Variants in TAS2R7 observed in about 807,000 individuals in gnomAD.
TAS2R7 encodes the protein taste receptor type 2 member 7.
For missense variants in TAS2R7, 403 were observed against 366.0 expected (o/e 1.10, Z -0.82); for synonymous variants, 159 against 138.8 (o/e 1.15, Z -1.02).
chr12:10,801,749 A>T lies in TAS2R7; in HGVS notation c.822T>A (p.Ala274=), dbSNP rs558100889. ...ELAVIFGESI[A]LIYPSSHSFI... is the part of the protein sequence containing the mutation. ...ATGAATGACTTGAGGGGTAGATTAG[A>T]GCTATGGACTCACCAAAAATCACAG... Residue 274 remains alanine (A), a synonymous_variant, in exon 1 of 1, where the codon GCT becomes GCA. Transcript: ENST00000240687. 35 of 1,614,014 alleles carry T rather than the reference A, an allele frequency of 2.2e-5. No homozygotes were observed. In the South Asian group the frequency reaches 3.6e-4, roughly 17 times the overall value.
In TAS2R7 at chr12:10,801,834, G is replaced by A; in HGVS notation, c.737C>T (p.Ala246Val). ...AVISFLLLFI[A>V]YYLSFLIATS... Reference sequence around the variant, plus strand: ...GGCAATGAGAAAGGACAAATAGTAGGCAATAAAGAGGAGAAGGAAGGAAAT... The same window carrying A: ...GGCAATGAGAAAGGACAAATAGTAGACAATAAAGAGGAGAAGGAAGGAAAT... Residue 246 changes from alanine (A) to valine (V), a missense_variant, in exon 1 of 1, where the codon GCC (alanine) becomes GTC (valine). Ala to Val is a moderately conservative substitution (Grantham distance 64, BLOSUM62 0). Coordinates refer to ENST00000240687, the MANE Select transcript of TAS2R7 (RefSeq NM_023919.2). The A allele has an allele frequency of 1.2e-6, 2 of 1,613,978 alleles. No homozygotes were observed. Among genetic ancestry groups the A allele is most frequent in the South Asian group, 2.2e-5 (2 of 91,072 alleles).
Position 10,801,968 on chromosome 12 carries a change from A to G in TAS2R7, c.603T>C (p.Phe201=). The change falls in exon 1 of 1, where the codon TTT becomes TTC. Residue 201 remains phenylalanine, a synonymous_variant. Coordinates refer to ENST00000240687, the MANE Select transcript of TAS2R7 (RefSeq NM_023919.2). ...LLPFCVCLMS[F]FLLILSLRRH... is the part of the protein sequence containing the mutation. ...TCCGCAGGGAGAGGATCAAGAGGAAAAAGGACATTAGGCACACACAAAAGG... is the reference window on the plus strand; with the variant it reads ...TCCGCAGGGAGAGGATCAAGAGGAAGAAGGACATTAGGCACACACAAAAGG... 1 of 1,613,960 alleles carries G rather than the reference A, an allele frequency of 6.2e-7. No homozygotes were observed. Among genetic ancestry groups the G allele is most frequent in the Non-Finnish European group, 8.5e-7 (1 of 1,179,982 alleles).
At position 10,801,923 on chromosome 12, in the gene TAS2R7, C is replaced by T. The variant is rs758254868; in HGVS notation, c.648G>A (p.Gln216=). The T allele has an allele frequency of 6.2e-7, 1 of 1,613,934 alleles. No homozygotes were observed. The highest frequency in any genetic ancestry group is 8.5e-7 in the Non-Finnish European group (1 of 1,179,976). ...GGTCTCTGCACCCTGTGGCACTGAG[C>T]TGCATTCGCCTGATATGTCTCCGCA... is the stretch of plus-strand genomic sequence containing the variant. ...LSLRRHIRRM[Q]LSATGCRDPS... is the part of the protein sequence containing the mutation. Residue 216 remains glutamine (Q), a synonymous_variant, in exon 1 of 1, where the codon CAG becomes CAA. Transcript: ENST00000240687.
chr12:10,801,591 T>C lies in TAS2R7; in HGVS notation c.*23A>G, dbSNP rs1176024835. 1.4e-6 allele frequency: 2 copies of C among 1,402,974 alleles called. No individual in the cohort carries two copies. Among genetic ancestry groups the C allele is most frequent in the Non-Finnish European group, 2.0e-6 (2 of 1,012,946 alleles). 86.9% of individuals were successfully genotyped at this position (1,402,974 alleles called of 1,614,324 possible). On this transcript the variant is annotated 3_prime_UTR_variant, in exon 1 of 1. Transcript: ENST00000240687. ...TTTAGAAACATCTTATCTTTGTTTGTCCTAGAAAAGCATAGTTTCTCTTCA... is the reference window on the plus strand; with the variant it reads ...TTTAGAAACATCTTATCTTTGTTTGCCCTAGAAAAGCATAGTTTCTCTTCA...
rs755778020 is a variant in TAS2R7, at chr12:10,802,566, G to T, written c.5C>A (p.Ala2Glu). Reference protein sequence around the residue: MADKVQTTLLFL... With the variant: MEDKVQTTLLFL... ...CAATAAAGTAGTCTGCACTTTATCT[G>T]CCATGTTTAAATATGCAATTAGTTT... Residue 2 changes from alanine to glutamate, a missense_variant, in exon 1 of 1, where the codon GCA becomes GAA. By Grantham distance (107) the Ala-to-Glu change is moderately radical. Coordinates refer to ENST00000240687, the MANE Select transcript of TAS2R7 (RefSeq NM_023919.2). The T allele has an allele frequency of 6.2e-7, 1 of 1,609,646 alleles. No homozygotes were observed. The highest frequency in any genetic ancestry group is 8.5e-7 in the Non-Finnish European group (1 of 1,177,450).
At position 10,802,283 on chromosome 12, in the gene TAS2R7, A is replaced by G. The variant is rs770574161; in HGVS notation, c.288T>C (p.Ser96=). Residue 96 remains serine, a synonymous_variant, in exon 1 of 1, where the codon AGT becomes AGC. Coordinates refer to ENST00000240687, the MANE Select transcript of TAS2R7 (RefSeq NM_023919.2). ...TGCTGAGGCAGGTTGCAAACCAGAT[A>G]CTTAAATGATTGGTTAGTGTCCAGA... ...DFFWTLTNHL[S]IWFATCLSIY... The G allele has an allele frequency of 3.2e-5, 52 of 1,613,966 alleles. No homozygotes were observed. The highest frequency in any genetic ancestry group is 3.4e-5 in the Non-Finnish European group (40 of 1,179,950).
chr12:10,801,744 A>T lies in TAS2R7; in HGVS notation c.827T>A (p.Ile276Asn). 6.2e-7 allele frequency: 1 copy of T among 1,614,028 alleles called. No homozygotes were observed. The highest frequency in any genetic ancestry group is 1.3e-5 in the African/African-American group (1 of 75,050). ...AVIFGESIAL[I>N]YPSSHSFILI... ...GATAAATGAATGACTTGAGGGGTAG[A>T]TTAGAGCTATGGACTCACCAAAAAT... Residue 276 changes from isoleucine (I) to asparagine (N), a missense_variant, in exon 1 of 1, where the codon ATC becomes AAC. Physicochemically the swap from Ile to Asn is moderately radical, Grantham distance 149. Transcript: ENST00000240687.
rs749380814 is a variant in TAS2R7 at position 10,801,973 on chromosome 12, A to T, written c.598T>A (p.Ser200Thr). Reference sequence around the variant, plus strand: ...AGGGAGAGGATCAAGAGGAAAAAGGACATTAGGCACACACAAAAGGGGAGC... The same window carrying T: ...AGGGAGAGGATCAAGAGGAAAAAGGTCATTAGGCACACACAAAAGGGGAGC... Reference protein sequence around the residue: ...TLLPFCVCLMSFFLLILSLRR... With the variant: ...TLLPFCVCLMTFFLLILSLRR... Residue 200 changes from serine (S) to threonine (T), a missense_variant, in exon 1 of 1, where the codon TCC (serine) becomes ACC (threonine). Coordinates refer to ENST00000240687, the MANE Select transcript of TAS2R7 (RefSeq NM_023919.2). The T allele has an allele frequency of 1.1e-5, 17 of 1,613,842 alleles. No individual in the cohort carries two copies. In the African/African-American group the frequency reaches 2.0e-4, roughly 19 times the overall value.
At position 10,802,346 on chromosome 12, in the gene TAS2R7, G is replaced by A; in HGVS notation, c.225C>T (p.Val75=). ...TTCTCATTTCTTTACCAGTGGCATA[G>A]ACATCTGGATATAGCACCAATATAA... is the stretch of plus-strand genomic sequence containing the variant. ...DCFILVLYPD[V]YATGKEMRII... The change falls in exon 1 of 1, where the codon GTC becomes GTT. Residue 75 remains valine, a synonymous_variant. Transcript: ENST00000240687. 1 of 1,613,970 alleles carries A rather than the reference G, an allele frequency of 6.2e-7. No homozygotes were observed. The highest frequency in any genetic ancestry group is 8.5e-7 in the Non-Finnish European group (1 of 1,179,946).
At position 10,802,038 on chromosome 12, in the gene TAS2R7, T is replaced by G. The variant is rs1565410184; in HGVS notation, c.533A>C (p.Gln178Pro). ...LTWSCRVNKT[Q>P]HASTKLFLNL... ...GAGAAATAACTTGGTAGAAGCATGT[T>G]GAGTTTTATTTACTCTGCAACTCCA... The change falls in exon 1 of 1, where the codon CAA becomes CCA. Residue 178 changes from glutamine (Q) to proline (P), a missense_variant. Coordinates refer to ENST00000240687, the MANE Select transcript of TAS2R7 (RefSeq NM_023919.2). The G allele has an allele frequency of 6.2e-7, 1 of 1,613,928 alleles. No individual in the cohort carries two copies. Among genetic ancestry groups the G allele is most frequent in the Non-Finnish European group, 8.5e-7 (1 of 1,179,960 alleles).
chr12:10,801,992 G>A lies in TAS2R7; in HGVS notation c.579C>T (p.Pro193=), dbSNP rs1948691275. Residue 193 remains proline, a synonymous_variant, in exon 1 of 1, where the codon CCC becomes CCT. Coordinates refer to ENST00000240687, the MANE Select transcript of TAS2R7 (RefSeq NM_023919.2). ...AAAAGGACATTAGGCACACACAAAA[G>A]GGGAGCAGCGTTGCCAGGTTGAGAA... ...KLFLNLATLL[P]FCVCLMSFFL... The A allele has an allele frequency of 6.2e-7, 1 of 1,613,888 alleles. No homozygotes were observed. The highest frequency in any genetic ancestry group is 8.5e-7 in the Non-Finnish European group (1 of 1,179,944).
Position 10,802,076 on chromosome 12 carries a change from T to C in TAS2R7, c.495A>G (p.Lys165=), listed in dbSNP as rs747347451. The C allele has an allele frequency of 3.1e-6, 5 of 1,613,920 alleles. No individual in the cohort carries two copies. The highest frequency in any genetic ancestry group is 4.2e-6 in the Non-Finnish European group (5 of 1,179,948). Residue 165 remains lysine, a synonymous_variant, in exon 1 of 1, where the codon AAA becomes AAG. Transcript: ENST00000240687. ...DFRFCVKAKR[K]TNLTWSCRVN... is the part of the protein sequence containing the mutation. ...CTCTGCAACTCCAAGTTAAGTTTGT[T>C]TTCCTCTTTGCCTTCACACAAAACC... is the stretch of plus-strand genomic sequence containing the variant.
chr12:10,802,002 G>A lies in TAS2R7; in HGVS notation c.569C>T (p.Thr190Met), dbSNP rs762575887. The change falls in exon 1 of 1, where the codon ACG becomes ATG. Residue 190 changes from threonine (T) to methionine (M), a missense_variant. Physicochemically the swap from Thr to Met is moderately conservative, Grantham distance 81 (BLOSUM62 -1). Transcript: ENST00000240687. ...TAGGCACACACAAAAGGGGAGCAGC[G>A]TTGCCAGGTTGAGAAATAACTTGGT... ...ASTKLFLNLATLLPFCVCLMS... is the reference protein window; with the variant it reads ...ASTKLFLNLAMLLPFCVCLMS... 28 of 1,613,712 alleles carry A rather than the reference G, an allele frequency of 1.7e-5. No individual in the cohort carries two copies. The highest frequency in any genetic ancestry group is 5.0e-5 in the Admixed American group (3 of 59,892).
Position 10,801,785 on chromosome 12 carries a change from C to T in TAS2R7, c.786G>A (p.Glu262=). ...LIATSSYFMP[E]TELAVIFGES... Reference sequence around the variant, plus strand: ...CACCAAAAATCACAGCTAATTCCGTCTCTGGCATAAAGTAGCTGGAGGTGG... The same window carrying T: ...CACCAAAAATCACAGCTAATTCCGTTTCTGGCATAAAGTAGCTGGAGGTGG... The change falls in exon 1 of 1, where the codon GAG becomes GAA. Residue 262 remains glutamate (E), a synonymous_variant. Transcript: ENST00000240687. 1.2e-6 allele frequency: 2 copies of T among 1,613,990 alleles called. No individual in the cohort carries two copies. Among genetic ancestry groups the T allele is most frequent in the Non-Finnish European group, 8.5e-7 (1 of 1,179,994 alleles).
In TAS2R7 at chr12:10,801,983, CA is replaced by C; in HGVS notation, c.587del (p.Val196GlyfsTer3). 1.2e-6 allele frequency: 2 copies of C among 1,613,852 alleles called. No homozygotes were observed. The highest frequency in any genetic ancestry group is 1.1e-5 in the South Asian group (1 of 91,076). ...TCAAGAGGAAAAAGGACATTAGGCA[CA>C]CACAAAAGGGGAGCAGCGTTGCCAG... The part of the protein sequence containing the change: ...LNLATLLPFC[V>X]CLMSFFLLIL... On this transcript the variant is annotated frameshift_variant, in exon 1 of 1. Transcript: ENST00000240687. LOFTEE classifies it low-confidence loss of function (END_TRUNC).
rs372714325 is a variant in TAS2R7 at position 10,802,428 on chromosome 12, A to C, written c.143T>G (p.Leu48Arg). 6.6e-5 allele frequency: 106 copies of C among 1,613,994 alleles called. No homozygotes were observed. Among genetic ancestry groups the C allele is most frequent in the Non-Finnish European group, 8.8e-5 (104 of 1,179,986 alleles). The change falls in exon 1 of 1, where the codon CTC becomes CGC. Residue 48 changes from leucine (L) to arginine (R), a missense_variant. Leu to Arg is a moderately radical substitution (Grantham distance 102). Coordinates refer to ENST00000240687, the MANE Select transcript of TAS2R7 (RefSeq NM_023919.2). ...AATTCTGGATATGGCCAGACTTGTG[A>C]GGATTAAATCAATGGAGGCAATTTT... ...KRKIASIDLILTSLAISRICL... is the reference protein window; with the variant it reads ...KRKIASIDLIRTSLAISRICL...
rs1948691753 is a variant in TAS2R7 at position 10,802,030 on chromosome 12, A to G, written c.541T>C (p.Ser181Pro). ...GCCAGGTTGAGAAATAACTTGGTAG[A>G]AGCATGTTGAGTTTTATTTACTCTG... ...SCRVNKTQHA[S>P]TKLFLNLATL... Residue 181 changes from serine (S) to proline (P), a missense_variant, in exon 1 of 1, where the codon TCT (serine) becomes CCT (proline). Ser to Pro is a moderately conservative substitution (Grantham distance 74, BLOSUM62 -1). Transcript: ENST00000240687. 1 of 1,613,752 alleles carries G rather than the reference A, an allele frequency of 6.2e-7. No individual in the cohort carries two copies. Among genetic ancestry groups the G allele is most frequent in the African/African-American group, 1.3e-5 (1 of 74,898 alleles).
rs1416110373 is a variant in TAS2R7, at chr12:10,802,103, G to T, written c.468C>A (p.Phe156Leu). The T allele has an allele frequency of 1.2e-6, 2 of 1,613,912 alleles. No homozygotes were observed. Among genetic ancestry groups the T allele is most frequent in the African/African-American group, 1.3e-5 (1 of 75,026 alleles). Reference sequence around the variant, plus strand: ...TCCTCTTTGCCTTCACACAAAACCTGAAATCAGCGTTCAAATTCTCAGTGG... The same window carrying T: ...TCCTCTTTGCCTTCACACAAAACCTTAAATCAGCGTTCAAATTCTCAGTGG... ...LPATENLNAD[F>L]RFCVKAKRKT... Residue 156 changes from phenylalanine (F) to leucine (L), a missense_variant, in exon 1 of 1, where the codon TTC becomes TTA. Physicochemically the swap from Phe to Leu is conservative, Grantham distance 22 (BLOSUM62 0). Transcript: ENST00000240687.
rs1429057431 is a variant in TAS2R7, at chr12:10,801,886, CT to C, written c.684del (p.Ala229ProfsTer3). 1.2e-6 allele frequency: 2 copies of C among 1,613,928 alleles called. No individual in the cohort carries two copies. Among genetic ancestry groups the C allele is most frequent in the East Asian group, 4.5e-5 (2 of 44,858 alleles). ...SATGCRDPST[E>X]AHVRALKAVI... ...ACAGCTTTCAGGGCTCTCACATGGG[CT>C]TCTGTGCTGGGGTCTCTGCACCCTG... is the stretch of plus-strand genomic sequence containing the variant. On this transcript the variant is annotated frameshift_variant, in exon 1 of 1. Transcript: ENST00000240687. LOFTEE classifies it low-confidence loss of function (END_TRUNC).
Sources: allele counts gnomAD v4.1 joint callset, GRCh38; gene constraint gnomAD v4.1.1; transcripts MANE v1.5; gene names NCBI Gene and HGNC (gene_info 2026-07-23, HGNC 2026-07-21).